Variants in EYS observed in about 807,000 individuals in gnomAD.
EYS encodes protein eyes shut homolog.
A neutral mutation model predicts 282.1 loss-of-function variants in EYS; 250 were observed. The ratio of observed to expected loss-of-function variants is 0.89; its 90% CI spans 0.80 to 0.98. EYS has a LOEUF of 0.98. Among genes scored for constraint, EYS ranks in the 50% least tolerant of loss-of-function variants. The pLI is 0.00. For missense variants in EYS, 4,016 were observed against 3,709.0 expected (o/e 1.08, Z -2.15); for synonymous variants, 1,355 against 1,282.9 (o/e 1.06, Z -1.20).
At chr6:63,800,639 T>TA (rs1168072323) in intron 37 of EYS, among the ~76,000 whole-genome samples, 2 of 152,032 alleles carry the variant, frequency 1.3e-5, no homozygotes, top group African/African-American at 2.4e-5. Flanking sequence ...GCGTCTCTAT[T>TA]AAAAATACAA....
intron 2 of EYS, among the ~76,000 whole-genome samples, chr6:65,522,576 T>C (rs1265046455): frequency 1.3e-5 from 2 of 152,208 alleles, no homozygotes; most frequent in Non-Finnish European, 2.9e-5. Flanking sequence ...AGTTTTGAAA[T>C]ATGTATGCAT....
chr6:65,203,669 C>T lies in EYS; in HGVS notation c.2023+92194G>A, dbSNP rs117877865. ...CAAGAACTCCAGTACAACAAAATAA[C>T]GGATATTATGACACATGTTATGGAC... On this transcript the variant is annotated intron_variant, in intron 12 of 42. Transcript: ENST00000503581. Among the ~76,000 whole-genome samples, 364 of 152,118 alleles carry T rather than the reference C, an allele frequency of 2.4e-3. 12 individuals carry two copies. The East Asian group carries it at 0.063, about 26-fold the overall frequency.
chr6:64,523,874 A>G (rs1777834465), intron 26 of EYS, among the ~76,000 whole-genome samples: 1 of 151,712 alleles, frequency 6.6e-6, no homozygotes, highest in Admixed American at 6.6e-5. Flanking sequence ...CATCCATTTA[A>G]AAAGTTTAGC....
At chr6:64,782,602 T>G (rs1773894905) in intron 22 of EYS, among the ~76,000 whole-genome samples, 1 of 152,222 alleles carries the variant, frequency 6.6e-6, no homozygotes, top group Admixed American at 6.5e-5. Context: ...TTTAAAAAAC[T>G]TAACTGCATA....
At chr6:65,616,891 CT>C (rs2149798467) in intron 2 of EYS, among the ~76,000 whole-genome samples, 1 of 152,172 alleles carries the variant, frequency 6.6e-6, no homozygotes, top group Admixed American at 6.5e-5. Context: ...TGACTGATCA[CT>C]ATGACTAACT....
At chr6:64,436,850 A>G (rs1774769077) in intron 27 of EYS, among the ~76,000 whole-genome samples, 1 of 151,790 alleles carries the variant, frequency 6.6e-6, no homozygotes, top group Non-Finnish European at 1.5e-5. Context: ...GATGTGCTAC[A>G]TTGGCTTATT....
At chr6:64,156,830 A>C (rs1669249234) in intron 31 of EYS, among the ~76,000 whole-genome samples, 1 of 152,168 alleles carries the variant, frequency 6.6e-6, no homozygotes, top group African/African-American at 2.4e-5. Flanking sequence ...AAAGCATTCA[A>C]GAGGTGAGTT....
chr6:65,560,138 TATTC>T (rs1041614171), intron 2 of EYS, among the ~76,000 whole-genome samples: 2 of 148,438 alleles, frequency 1.3e-5, no homozygotes, highest in African/African-American at 2.4e-5. Context: ...AAGATGCTAA[TATTC>T]ATTCATTCAT....
At chr6:65,198,543 AT>A (rs758351657) in intron 12 of EYS, among the ~76,000 whole-genome samples, 100 of 152,132 alleles carry the variant, frequency 6.6e-4, no homozygotes, top group Non-Finnish European at 1.1e-3. Flanking sequence ...CGAATAATGC[AT>A]TTTCCTAGGA....
At chr6:63,730,509 G>C (rs916479240) in intron 41 of EYS, among the ~76,000 whole-genome samples, 1 of 152,126 alleles carries the variant, frequency 6.6e-6, no homozygotes, top group African/African-American at 2.4e-5. Flanking sequence ...ATAACCCCAA[G>C]GGGAAGTCAT....
intron 5 of EYS, among the ~76,000 whole-genome samples, chr6:65,469,510 A>G (rs919310218): frequency 2.6e-5 from 4 of 152,132 alleles, no homozygotes; most frequent in Non-Finnish European, 5.9e-5. Flanking sequence ...ATCTAAAAAT[A>G]GGATCAAAAC....
intron 2 of EYS, among the ~76,000 whole-genome samples, chr6:65,570,878 T>G (rs1341916914): frequency 6.6e-6 from 1 of 152,152 alleles, no homozygotes; most frequent in African/African-American, 2.4e-5. Flanking sequence ...AACTGAAGAT[T>G]TTTTTCAATG....
intron 12 of EYS, among the ~76,000 whole-genome samples, chr6:65,198,487 C>T (rs1453990154): frequency 1.3e-5 from 2 of 151,964 alleles, no homozygotes; most frequent in African/African-American, 4.8e-5. Flanking sequence ...GTAAGATTGG[C>T]AGTGCAGCAG....
chr6:64,555,116 C>G (rs373496305), intron 26 of EYS, among the ~76,000 whole-genome samples: 2 of 151,564 alleles, frequency 1.3e-5, no homozygotes, highest in East Asian at 3.9e-4. Context: ...ATGGAATCAA[C>G]CTAGGTGTCC....
chr6:65,195,058 C>A (rs1765732286), intron 12 of EYS, among the ~76,000 whole-genome samples: 1 of 151,878 alleles, frequency 6.6e-6, no homozygotes, highest in Non-Finnish European at 1.5e-5. Context: ...ATTCACATTT[C>A]AATGTGATAT....
intron 12 of EYS, among the ~76,000 whole-genome samples, chr6:65,165,488 C>G (rs1764951625): frequency 6.6e-6 from 1 of 151,006 alleles, no homozygotes; most frequent in South Asian, 2.1e-4. Flanking sequence ...GTGACATATT[C>G]AAAATATTTT....
chr6:65,049,922 C>A (rs1773217097), intron 13 of EYS, among the ~76,000 whole-genome samples: 1 of 151,568 alleles, frequency 6.6e-6, no homozygotes, highest in East Asian at 1.9e-4. Context: ...TATGTTTATA[C>A]TTATGGTCAA....
In EYS at chr6:65,357,597, G is replaced by A. The variant is rs551005419; in HGVS notation, c.1300-3980C>T. Among the ~76,000 whole-genome samples, 48 of 151,964 alleles carry A rather than the reference G, an allele frequency of 3.2e-4. 1 individual carries two copies. The highest frequency in any genetic ancestry group is 2.2e-4 in the Non-Finnish European group (15 of 67,874). On this transcript the variant is annotated intron_variant, in intron 8 of 42. Transcript: ENST00000503581. Reference sequence around the variant, plus strand: ...CCAGATTTCCAGTTGATATTCCTAAGGAACAATTGTTATATGGTGGATAAT... The same window carrying A: ...CCAGATTTCCAGTTGATATTCCTAAAGAACAATTGTTATATGGTGGATAAT...
intron 12 of EYS, among the ~76,000 whole-genome samples, chr6:65,258,134 C>T (rs951460694): frequency 6.6e-5 from 10 of 151,578 alleles, no homozygotes; most frequent in African/African-American, 1.9e-4. Context: ...CTAATATATA[C>T]CCATAAAAAT....
Sources: gnomAD v4.1 joint callset for allele counts (sites outside exome capture counted in the v4.1 genomes callset) on GRCh38, gnomAD v4.1.1 for gene constraint, MANE v1.5 for transcripts, NCBI Gene and HGNC (gene_info 2026-07-23, HGNC 2026-07-21) for gene names.